The following SLCO6A1 variants were observed in gnomAD, a reference collection of about 807,000 sequenced individuals.
The protein encoded by SLCO6A1 is solute carrier organic anion transporter family member 6A1.
In SLCO6A1, 65 loss-of-function variants were observed where a neutral mutation model predicts 72.7. The observed-to-expected ratio is 0.89, with a 90% CI of 0.73 to 1.10. The LOEUF (loss-of-function observed/expected upper bound fraction) is 1.10, where lower values mean the gene tolerates loss of function less well. Ranked by LOEUF, SLCO6A1 falls within the 50% of genes least tolerant of loss-of-function variation. The pLI is 0.00. For synonymous variants in SLCO6A1, 314 were observed against 298.2 expected (o/e 1.05, Z -0.55); for missense variants, 874 against 872.6 (o/e 1.00, Z -0.02).
intron 12 of SLCO6A1, among the ~76,000 whole-genome samples, chr5:102,374,531 C>A (rs1412538535): frequency 6.6e-6 from 1 of 152,144 alleles, no homozygotes; most frequent in Non-Finnish European, 1.5e-5. Context: ...CTCAAGTGAT[C>A]ATCTCGCCTT....
rs555959442 is a variant in SLCO6A1 at position 102,406,622 on chromosome 5, C to T, written c.1626+6368G>A. ...CAATATAAGTAGATTCATAGGTGAACTAGATAGCAGAGTTAATAGTAAGAA... is the reference window on the plus strand; with the variant it reads ...CAATATAAGTAGATTCATAGGTGAATTAGATAGCAGAGTTAATAGTAAGAA... On this transcript the variant is annotated intron_variant, in intron 9 of 13. Coordinates refer to ENST00000506729, the MANE Select transcript of SLCO6A1 (RefSeq NM_173488.5). Among the ~76,000 whole-genome samples, 45 of 151,920 alleles carry T rather than the reference C, an allele frequency of 3.0e-4. No individual in the cohort carries two copies. In the Middle Eastern group the frequency reaches 0.01, roughly 35 times the overall value.
intron 9 of SLCO6A1, among the ~76,000 whole-genome samples, chr5:102,402,604 C>T (rs916883919): frequency 1.3e-5 from 2 of 152,072 alleles, no homozygotes; most frequent in African/African-American, 4.8e-5. Flanking sequence ...TATGCTGCAT[C>T]ATCTCATGGC....
intron 7 of SLCO6A1, among the ~76,000 whole-genome samples, chr5:102,423,006 T>C (rs1256472433): frequency 6.6e-6 from 1 of 152,138 alleles, no homozygotes; most frequent in Admixed American, 6.6e-5. Flanking sequence ...AAACCCAGAA[T>C]TTCATATCCA....
intron 1 of SLCO6A1, among the ~76,000 whole-genome samples, chr5:102,492,139 T>C (rs1023900928): frequency 2.6e-5 from 4 of 152,180 alleles, no homozygotes; most frequent in Non-Finnish European, 5.9e-5. Context: ...TCCAATCACT[T>C]CCCACCAGGA....
chr5:102,412,641 G>T (rs1001815160), intron 9 of SLCO6A1, among the ~76,000 whole-genome samples: 1 of 152,058 alleles, frequency 6.6e-6, no homozygotes, highest in Non-Finnish European at 1.5e-5. Flanking sequence ...TGCGCCTGTA[G>T]TTTCAACTAT....
intron 1 of SLCO6A1, among the ~76,000 whole-genome samples, chr5:102,492,697 G>A (rs1342847107): frequency 7.2e-5 from 11 of 152,154 alleles, no homozygotes; most frequent in Non-Finnish European, 1.3e-4. Flanking sequence ...CTAATACTGC[G>A]CTTTTCCAAT....
chr5:102,392,295 A>G (rs981808170), intron 10 of SLCO6A1, among the ~76,000 whole-genome samples: 1 of 151,986 alleles, frequency 6.6e-6, no homozygotes, highest in African/African-American at 2.4e-5. Flanking sequence ...TAAATAAAAA[A>G]TAATTTACAC....
intron 1 of SLCO6A1, among the ~76,000 whole-genome samples, chr5:102,490,088 G>A (rs1318660130): frequency 6.6e-6 from 1 of 152,174 alleles, no homozygotes; most frequent in African/African-American, 2.4e-5. Flanking sequence ...AGGCTGGAGA[G>A]GGTGGAAGGA....
At position 102,429,604 on chromosome 5, in the gene SLCO6A1, A is replaced by G. The variant is rs183466584; in HGVS notation, c.1276+9013T>C. Among the ~76,000 whole-genome samples the G allele has an allele frequency of 4.1e-3, 631 of 152,298 alleles. 10 individuals are homozygous for G. The highest frequency in any genetic ancestry group is 0.015 in the African/African-American group (607 of 41,570). On this transcript the variant is annotated intron_variant, in intron 7 of 13. Coordinates refer to ENST00000506729, the MANE Select transcript of SLCO6A1 (RefSeq NM_173488.5). ...GTTTTAGTCAGGTTTGTTGAAGATCAGATGGTTGTAGGTGTGTGGCCTTAC... is the reference window on the plus strand; with the variant it reads ...GTTTTAGTCAGGTTTGTTGAAGATCGGATGGTTGTAGGTGTGTGGCCTTAC...
chr5:102,396,052 C>G (rs1216040355), intron 10 of SLCO6A1, among the ~76,000 whole-genome samples: 1 of 152,040 alleles, frequency 6.6e-6, no homozygotes, highest in Non-Finnish European at 1.5e-5. Flanking sequence ...TTAATTAGAT[C>G]CCATTTGTCA....
chr5:102,438,890 TAG>T, intron 6 of SLCO6A1, 129 bp from the exon 7 acceptor site: 1 of 74,702 alleles, frequency 1.3e-5, no homozygotes, highest in Non-Finnish European at 2.3e-5. Context: ...AGATAATTGA[TAG>T]ATAGATGATA....
chr5:102,412,588 C>T (rs1008249290), intron 9 of SLCO6A1, among the ~76,000 whole-genome samples: 1 of 151,892 alleles, frequency 6.6e-6, no homozygotes, highest in Admixed American at 6.6e-5. Context: ...TGGCAAAAAC[C>T]CATCTCTAAA....
At chr5:102,440,512 T>C (rs561517540) in intron 6 of SLCO6A1, among the ~76,000 whole-genome samples, 1 of 152,240 alleles carries the variant, frequency 6.6e-6, no homozygotes, top group South Asian at 2.1e-4. Flanking sequence ...GATTCTACTT[T>C]ATGGTGAGTG....
intron 8 of SLCO6A1, among the ~76,000 whole-genome samples, chr5:102,413,978 AT>A (rs939768740): frequency 7.2e-5 from 11 of 151,992 alleles, no homozygotes; most frequent in East Asian, 1.9e-4. Context: ...TCTGGAAGTA[AT>A]TTTTTTGTTA....
rs771945001 is a variant in SLCO6A1, at chr5:102,459,784, T to C, written c.900-7A>G. 8 of 1,548,360 alleles carry C rather than the reference T, an allele frequency of 5.2e-6. No homozygotes were observed. The highest frequency in any genetic ancestry group is 1.4e-5 in the African/African-American group (1 of 69,692). ...ACCATTATTGACTGTAGTGCTTTAA[T>C]AAAGAAAAGTGAAAAAAAAAAGCAA... is the stretch of plus-strand genomic sequence containing the variant. On this transcript the variant is annotated splice_polypyrimidine_tract_variant and splice_region_variant and intron_variant, in intron 4 of 13. Transcript: ENST00000506729.
At chr5:102,388,926 C>A (rs2112512182) in intron 11 of SLCO6A1, 101 bp from the exon 12 acceptor site, 2 of 965,670 alleles carry the variant, frequency 2.1e-6, no homozygotes, top group Non-Finnish European at 3.0e-6. Flanking sequence ...ACTCATCATT[C>A]AAAACATATC....
chr5:102,399,944 C>CTGTGTG lies in SLCO6A1; in HGVS notation c.1627-208_1627-203dup, dbSNP rs34032591. Among the ~76,000 whole-genome samples the CTGTGTG allele has an allele frequency of 2.3e-3, 351 of 149,958 alleles. 2 individuals carry two copies. Among genetic ancestry groups the CTGTGTG allele is most frequent in the African/African-American group, 8.2e-3 (335 of 40,928 alleles). On this transcript the variant is annotated intron_variant, in intron 9 of 13. Coordinates refer to ENST00000506729, the MANE Select transcript of SLCO6A1 (RefSeq NM_173488.5). ...CAAGGTATTTTACATGGCAAAAAAT[C>CTGTGTG]TGTGTGTGTGTGTGTGTGTGTGTAA...
At chr5:102,457,599 A>G (rs1222070822) in intron 6 of SLCO6A1, among the ~76,000 whole-genome samples, 1 of 152,226 alleles carries the variant, frequency 6.6e-6, no homozygotes, top group East Asian at 1.9e-4. Context: ...AAGTCAGGAA[A>G]CAACAGGTAC....
At chr5:102,403,167 C>T (rs2112559803) in intron 9 of SLCO6A1, among the ~76,000 whole-genome samples, 1 of 152,210 alleles carries the variant, frequency 6.6e-6, no homozygotes, top group East Asian at 1.9e-4. Flanking sequence ...TACTATATTT[C>T]TTTTTAAAAT....
Sources: allele counts gnomAD v4.1 joint callset (sites outside exome capture counted in the v4.1 genomes callset), GRCh38; gene constraint gnomAD v4.1.1; transcripts MANE v1.5; gene names NCBI Gene and HGNC (gene_info 2026-07-23, HGNC 2026-07-21).